Variants in ANKRD6 observed in about 807,000 individuals in gnomAD.
ANKRD6 encodes ankyrin repeat domain-containing protein 6.
ANKRD6 carries 56 observed loss-of-function variants against 82.3 expected under a neutral mutation model. The ratio of observed to expected loss-of-function variants is 0.68; its 90% confidence interval spans 0.55 to 0.85. The LOEUF (loss-of-function observed/expected upper bound fraction) is 0.85, where lower values mean the gene tolerates loss of function less well. Ranked by LOEUF, ANKRD6 falls within the 40% of genes least tolerant of loss-of-function variation. The pLI, the probability that ANKRD6 is intolerant of heterozygous loss-of-function variation, is 0.00. For synonymous variants in ANKRD6, 347 were observed against 352.1 expected (o/e 0.99, Z 0.16); for missense variants, 852 against 907.6 (o/e 0.94, Z 0.79).
At chr6:89,443,073 G>C (rs1452776339) in intron 1 of ANKRD6, among the ~76,000 whole-genome samples, 3 of 152,156 alleles carry the variant, frequency 2.0e-5, no homozygotes, top group Admixed American at 2.0e-4. Context: ...TTCTTTATCT[G>C]TCATGTGATA....
chr6:89,587,474 C>A (rs145494813), intron 2 of ANKRD6, among the ~76,000 whole-genome samples: 1 of 151,998 alleles, frequency 6.6e-6, no homozygotes, highest in Non-Finnish European at 1.5e-5. Flanking sequence ...GGCGACAGAG[C>A]GAGACTTCAT....
rs1229549267 is a variant in ANKRD6 at position 89,608,530 on chromosome 6, A to G, written c.417+2425A>G. 5.9e-5 allele frequency among the ~76,000 whole-genome samples: 9 copies of G among 151,840 alleles called. No individual in the cohort carries two copies. The East Asian group carries it at 1.7e-3, about 29-fold the overall frequency. On this transcript the variant is annotated intron_variant, in intron 5 of 15. Transcript: ENST00000339746. ...CCCATCAATGAAGTGACTTCTCCAG[A>G]CCTTGCATGCTGCAGGAAATAGAAA...
At chr6:89,600,737 A>G (rs558527876) in intron 3 of ANKRD6, among the ~76,000 whole-genome samples, 3 of 152,302 alleles carry the variant, frequency 2.0e-5, no homozygotes, top group Non-Finnish European at 4.4e-5. Flanking sequence ...CGGAAATTTT[A>G]AAAAGTTGAG....
At chr6:89,511,599 G>C (rs1393031319) in intron 1 of ANKRD6, among the ~76,000 whole-genome samples, 1 of 152,104 alleles carries the variant, frequency 6.6e-6, no homozygotes, top group Non-Finnish European at 1.5e-5. Flanking sequence ...CTGTAGAATG[G>C]GCATATGAAT....
At position 89,492,484 on chromosome 6, in the gene ANKRD6, C is replaced by G. The variant is rs9451229; in HGVS notation, c.-144+59109C>G. Among the ~76,000 whole-genome samples, 347 of 152,254 alleles carry G rather than the reference C, an allele frequency of 2.3e-3. 3 individuals carry two copies. Among genetic ancestry groups the G allele is most frequent in the African/African-American group, 8.0e-3 (332 of 41,556 alleles). On this transcript the variant is annotated intron_variant, in intron 1 of 15. Coordinates refer to ENST00000339746, the MANE Select transcript of ANKRD6 (RefSeq NM_001242809.2). ...GTGTGTTTGCAGGGAGAGTAATGCT[C>G]CCTGATATGTAAATGCTCCTTGATT...
At position 89,630,449 on chromosome 6, in the gene ANKRD6, G is replaced by T. The variant is rs1413595591; in HGVS notation, c.1629G>T (p.Val543=). The change falls in exon 16 of 16, where the codon GTG becomes GTT. Residue 543 remains valine, a synonymous_variant. Transcript: ENST00000339746. ...TGAAACCAGGTGTGGACCAATTAGT[G>T]GTGACTGCAGGTCCAGCAGCAGCTT... The part of the protein sequence containing the change: ...CESSTGVDQL[V]VTAGPAAASD... 1 of 1,612,554 alleles carries T rather than the reference G, an allele frequency of 6.2e-7. No homozygotes were observed. Among genetic ancestry groups the T allele is most frequent in the Non-Finnish European group, 8.5e-7 (1 of 1,179,160 alleles).
At chr6:89,439,266 C>T (rs1342974467) in intron 1 of ANKRD6, among the ~76,000 whole-genome samples, 3 of 151,986 alleles carry the variant, frequency 2.0e-5, no homozygotes, top group Non-Finnish European at 2.9e-5. Flanking sequence ...TTAATGGCTT[C>T]GTTAATGTTA....
intron 3 of ANKRD6, among the ~76,000 whole-genome samples, chr6:89,600,865 A>G (rs78754786): frequency 0.31 from 9,654 of 31,612 alleles, 594 homozygotes; most frequent in South Asian, 0.33. Context: ...GTGACACCTT[A>G]TGTCTACTAA....
intron 1 of ANKRD6, among the ~76,000 whole-genome samples, chr6:89,520,994 A>T (rs951633110): frequency 2.0e-5 from 3 of 152,202 alleles, no homozygotes; most frequent in Non-Finnish European, 4.4e-5. Context: ...TCTAAAAAAG[A>T]AAAATAGTCT....
chr6:89,517,029 G>A (rs1161510046), intron 1 of ANKRD6, among the ~76,000 whole-genome samples: 2 of 152,056 alleles, frequency 1.3e-5, no homozygotes, highest in East Asian at 3.9e-4. Flanking sequence ...CCACCAAAAC[G>A]AGATGATTTT....
intron 13 of ANKRD6, among the ~76,000 whole-genome samples, chr6:89,626,725 G>C (rs534805312): frequency 6.6e-6 from 1 of 152,364 alleles, no homozygotes; most frequent in South Asian, 2.1e-4. Flanking sequence ...TGTCAAAGCA[G>C]TGAAAGTTTG....
chr6:89,572,366 A>G (rs1790112405), intron 2 of ANKRD6, among the ~76,000 whole-genome samples: 1 of 152,236 alleles, frequency 6.6e-6, no homozygotes, highest in Admixed American at 6.5e-5. Flanking sequence ...GATTCCCATC[A>G]GCAATGAATG....
intron 1 of ANKRD6, among the ~76,000 whole-genome samples, chr6:89,527,766 G>C (rs1402701116): frequency 6.6e-6 from 1 of 151,952 alleles, no homozygotes; most frequent in Admixed American, 6.6e-5. Context: ...GACTAATCAG[G>C]GTGGTGGCTG....
At chr6:89,545,690 A>G (rs763509000) in intron 1 of ANKRD6, among the ~76,000 whole-genome samples, 2 of 152,222 alleles carry the variant, frequency 1.3e-5, no homozygotes, top group African/African-American at 2.4e-5. Context: ...AGAAAACAAC[A>G]TTGAACTTGA....
chr6:89,599,168 T>C (rs1274001045), intron 3 of ANKRD6, among the ~76,000 whole-genome samples: 1 of 151,842 alleles, frequency 6.6e-6, no homozygotes, highest in Non-Finnish European at 1.5e-5. Flanking sequence ...AACCCAGGAG[T>C]TGGAGACCAG....
intron 1 of ANKRD6, among the ~76,000 whole-genome samples, chr6:89,455,900 G>A (rs1172261675): frequency 1.3e-5 from 2 of 150,974 alleles, no homozygotes; most frequent in African/African-American, 2.4e-5. Flanking sequence ...TTTCTGAGAT[G>A]GAATCTTGCT....
chr6:89,598,246 C>G, intron 3 of ANKRD6: 8 of 985,350 alleles, frequency 8.1e-6, no homozygotes, highest in Non-Finnish European at 8.4e-6. Context: ...TCCTGCCAAT[C>G]GTGTCAACTC....
chr6:89,624,999 T>C (rs1369778564), intron 13 of ANKRD6, among the ~76,000 whole-genome samples: 2 of 152,180 alleles, frequency 1.3e-5, no homozygotes, highest in African/African-American at 4.8e-5. Context: ...TATTTGGGTT[T>C]AGGCTGGGAA....
At position 89,433,202 on chromosome 6, in the gene ANKRD6, A is replaced by G. The variant is rs1012970294; in HGVS notation, c.-317A>G. 1.3e-4 allele frequency: 19 copies of G among 151,442 alleles called. No individual in the cohort carries two copies. Among genetic ancestry groups the G allele is most frequent in the Admixed American group, 5.9e-4 (9 of 15,174 alleles). The allele number at this position is 151,442 out of a possible 1,614,324, so 9.4% of individuals were successfully genotyped here. On this transcript the variant is annotated 5_prime_UTR_variant, in exon 1 of 16. Coordinates refer to ENST00000339746, the MANE Select transcript of ANKRD6 (RefSeq NM_001242809.2). The surrounding 1 kb of genome is among the most constrained non-coding windows in gnomAD (Gnocchi z 4.3). ...GCGGGCTCGGCCACAGGTAACCCGC[A>G]GGAGCCGAGAGCGCTGCCTGGCGCG...
Sources: gnomAD v4.1 joint callset for allele counts (sites outside exome capture counted in the v4.1 genomes callset) on GRCh38, gnomAD v4.1.1 for gene constraint, Gnocchi (gnomAD v3.1) non-coding constraint, MANE v1.5 for transcripts, NCBI Gene and HGNC (gene_info 2026-07-23, HGNC 2026-07-21) for gene names.